SHQ1: variants seen among roughly 807,000 people sequenced by gnomAD.
SHQ1 encodes the protein protein SHQ1 homolog.
Under a neutral mutation model 53.8 loss-of-function variants are expected in SHQ1, and 49 were observed. That is an observed-to-expected ratio of 0.91 (90% CI 0.72 to 1.16). The LOEUF is 1.16. Ranked by LOEUF, SHQ1 falls within the 50% of genes most tolerant of loss-of-function variation. SHQ1 has a pLI of 0.00. For missense variants in SHQ1, 738 were observed against 683.1 expected (o/e 1.08, Z -0.90); for synonymous variants, 243 against 251.0 (o/e 0.97, Z 0.30).
chr3:72,834,992 G>C (rs1707944450), intron 4 of SHQ1, among the ~76,000 whole-genome samples: 1 of 152,026 alleles, frequency 6.6e-6, no homozygotes, highest in East Asian at 1.9e-4. Flanking sequence ...AAAATCAAGG[G>C]CTACACTCCT....
the SHQ1 span, among the ~76,000 whole-genome samples, chr3:72,742,601 CT>C: frequency 6.5e-5 from 9 of 139,470 alleles, no homozygotes; most frequent in Non-Finnish European, 1.4e-4. Flanking sequence ...AAGAGTTGTT[CT>C]TTTTTTTTCT....
At chr3:72,768,779 A>G (rs1705787066) in intron 10 of SHQ1, among the ~76,000 whole-genome samples, 1 of 152,202 alleles carries the variant, frequency 6.6e-6, no homozygotes, top group Non-Finnish European at 1.5e-5. Context: ...GGTCATCCAT[A>G]GTGTGCCTTT....
intron 10 of SHQ1, among the ~76,000 whole-genome samples, chr3:72,788,086 T>G (rs7631425): frequency 0.22 from 33,546 of 152,178 alleles, 3,929 homozygotes; most frequent in Non-Finnish European, 0.25. Flanking sequence ...CCCAGCTGCC[T>G]GCCTTGGCCT....
In SHQ1 at chr3:72,752,921, C is replaced by A. The variant is rs1199694497; in HGVS notation, c.1182-2085G>T. The stretch of plus-strand genomic sequence containing the variant: ...CTCGTGATCCACCTACCTCGGCCTC[C>A]CAAAGTGCTGGGATTACAGGCGTGA... On this transcript the variant is annotated intron_variant, in intron 10 of 10. Coordinates refer to ENST00000325599, the MANE Select transcript of SHQ1 (RefSeq NM_018130.3). The A allele has an allele frequency of 4.2e-6, 4 of 947,482 alleles. No homozygotes were observed. In the East Asian group the frequency reaches 4.6e-4, roughly 110 times the overall value. The allele number at this position is 947,482 out of a possible 1,614,324, so 58.7% of individuals were successfully genotyped here.
intron 10 of SHQ1, among the ~76,000 whole-genome samples, chr3:72,766,899 C>A (rs556168545): frequency 1.3e-5 from 2 of 152,322 alleles, no homozygotes; most frequent in East Asian, 3.9e-4. Context: ...GGCCACTAAC[C>A]CCATGTGGCT....
At chr3:72,745,011 T>A (rs1027829874), downstream of SHQ1, among the ~76,000 whole-genome samples, 1 of 152,024 alleles carries the variant, frequency 6.6e-6, no homozygotes, top group Admixed American at 6.6e-5. Context: ...TTTATTCCTA[T>A]ACTAAGTTTT....
At chr3:72,824,776 A>G (rs1365665278) in intron 5 of SHQ1, among the ~76,000 whole-genome samples, 1 of 147,742 alleles carries the variant, frequency 6.8e-6, no homozygotes, top group East Asian at 1.9e-4. Context: ...GATATATAAC[A>G]TTGCTGATCT....
chr3:72,771,546 T>G (rs982791676), intron 10 of SHQ1, among the ~76,000 whole-genome samples: 2 of 152,188 alleles, frequency 1.3e-5, no homozygotes, highest in African/African-American at 4.8e-5. Context: ...AAAGTAATAT[T>G]CACAAAAACC....
intron 5 of SHQ1, among the ~76,000 whole-genome samples, chr3:72,831,230 C>T (rs1213161148): frequency 6.6e-6 from 1 of 152,148 alleles, no homozygotes; most frequent in African/African-American, 2.4e-5. Context: ...ACAGTTCAAC[C>T]ATTTATCATT....
In SHQ1 at chr3:72,814,047, C is replaced by G. The variant is rs528471505; in HGVS notation, c.937-1253G>C. Reference sequence around the variant, plus strand: ...ATAAACAAAGTATAAAAAATGTAAACCATATGTAAAATTTAAAATTAAAAC... The same window carrying G: ...ATAAACAAAGTATAAAAAATGTAAAGCATATGTAAAATTTAAAATTAAAAC... On this transcript the variant is annotated intron_variant, in intron 8 of 10. Transcript: ENST00000325599. Among the ~76,000 whole-genome samples, 37 of 151,708 alleles carry G rather than the reference C, an allele frequency of 2.4e-4. 1 individual carries two copies. Among genetic ancestry groups the G allele is most frequent in the Middle Eastern group, 6.8e-3 (2 of 294 alleles).
intron 6 of SHQ1, among the ~76,000 whole-genome samples, chr3:72,822,173 A>G (rs74808489): frequency 1.5e-3 from 232 of 152,332 alleles, no homozygotes; most frequent in Non-Finnish European, 2.7e-3. Context: ...CCAAGCCTAC[A>G]TTTAGTTTAT....
At chr3:72,807,338 T>C (rs1370898256) in intron 9 of SHQ1, among the ~76,000 whole-genome samples, 1 of 152,212 alleles carries the variant, frequency 6.6e-6, no homozygotes, top group East Asian at 1.9e-4. Flanking sequence ...TTAGAACTAT[T>C]ATATCTTCAG....
At chr3:72,726,345 G>A in the SHQ1 span, among the ~76,000 whole-genome samples, 526 of 152,102 alleles carry the variant, frequency 3.5e-3, 5 homozygotes, top group South Asian at 0.028. Context: ...TCATGCTTAC[G>A]TTAGGCCCTT....
chr3:72,844,651 AAT>A (rs1388555360), intron 1 of SHQ1, among the ~76,000 whole-genome samples: 5 of 152,236 alleles, frequency 3.3e-5, no homozygotes, highest in African/African-American at 1.2e-4. Context: ...TCACCAACAA[AAT>A]AGATACTGAA....
intron 10 of SHQ1, among the ~76,000 whole-genome samples, chr3:72,756,596 C>G (rs1344989942): frequency 2.0e-5 from 3 of 152,116 alleles, no homozygotes; most frequent in Non-Finnish European, 4.4e-5. Context: ...TGTTTTATAT[C>G]TAAGTGAGGA....
chr3:72,780,701 A>G (rs1231824944), intron 10 of SHQ1, among the ~76,000 whole-genome samples: 1 of 152,196 alleles, frequency 6.6e-6, no homozygotes, highest in Non-Finnish European at 1.5e-5. Context: ...AAGAGTCAGG[A>G]GAAGAGATGA....
chr3:72,812,861 A>G (rs1707170508), intron 8 of SHQ1, 67 bp from the exon 9 acceptor site: 1 of 1,580,004 alleles, frequency 6.3e-7, no homozygotes, highest in Admixed American at 1.7e-5. Flanking sequence ...GTACACAATG[A>G]AATAGGAAGC....
intron 9 of SHQ1, among the ~76,000 whole-genome samples, chr3:72,803,180 C>T (rs751118643): frequency 2.0e-5 from 3 of 152,178 alleles, no homozygotes; most frequent in Non-Finnish European, 2.9e-5. Flanking sequence ...ATGGCTCTTA[C>T]AGTGTGATTT....
chr3:72,815,607 C>T (rs887579081), intron 7 of SHQ1, among the ~76,000 whole-genome samples: 1 of 152,088 alleles, frequency 6.6e-6, no homozygotes, highest in Admixed American at 6.5e-5. Flanking sequence ...TTGGGATTTT[C>T]GAAAATAAAA....
Sources: gnomAD v4.1 joint callset for allele counts (sites outside exome capture counted in the v4.1 genomes callset) on GRCh38, gnomAD v4.1.1 for gene constraint, MANE v1.5 for transcripts, NCBI Gene and HGNC (gene_info 2026-07-23, HGNC 2026-07-21) for gene names.